LIMS1: variants seen among roughly 807,000 people sequenced by gnomAD.
LIMS1 encodes the protein LIM zinc finger domain containing 1.
A neutral mutation model predicts 44.1 loss-of-function variants in LIMS1; 18 were observed. The observed-to-expected ratio is 0.41, with a 90% CI of 0.28 to 0.61. LIMS1 has a LOEUF of 0.61. Ranked by LOEUF, LIMS1 falls within the 20% of genes least tolerant of loss-of-function variation. The pLI, the probability that LIMS1 is intolerant of heterozygous loss-of-function variation, is 0.32. For missense variants in LIMS1, 201 were observed against 422.0 expected, an observed-to-expected ratio of 0.48 and a Z score of 4.59; for synonymous variants, 93 against 149.1, an observed-to-expected ratio of 0.62 and a Z score of 2.74.
At chr2:108,657,286 C>T (rs1236049403) in intron 1 of LIMS1, among the ~76,000 whole-genome samples, 2 of 151,022 alleles carry the variant, frequency 1.3e-5, no homozygotes, top group African/African-American at 2.4e-5. Flanking sequence ...TGATCCAGGA[C>T]ATTCTAGAAT....
intron 1 of LIMS1, among the ~76,000 whole-genome samples, chr2:108,541,936 T>C (rs1684330548): frequency 6.6e-6 from 1 of 152,256 alleles, no homozygotes; most frequent in African/African-American, 2.4e-5. Context: ...TTTTGTTTTA[T>C]AGTTTTTTGT....
At chr2:108,538,373 A>G (rs1684210046) in intron 1 of LIMS1, among the ~76,000 whole-genome samples, 1 of 152,112 alleles carries the variant, frequency 6.6e-6, no homozygotes, top group Non-Finnish European at 1.5e-5. Context: ...CACGTTTTGG[A>G]GCTTGATGAG....
intron 1 of LIMS1, chr2:108,621,439 G>A (rs1301519481): frequency 6.4e-7 from 1 of 1,551,006 alleles, no homozygotes; most frequent in East Asian, 2.4e-5. Flanking sequence ...GAGAGTAAAT[G>A]GGTTACCAGA....
chr2:108,616,033 T>G (rs538406688), intron 1 of LIMS1, among the ~76,000 whole-genome samples: 1 of 152,204 alleles, frequency 6.6e-6, no homozygotes, highest in African/African-American at 2.4e-5. Context: ...TACTTAGAAT[T>G]TCATTCTAAA....
intron 1 of LIMS1, among the ~76,000 whole-genome samples, chr2:108,644,049 C>T (rs1329896426): frequency 3.9e-5 from 6 of 152,134 alleles, no homozygotes; most frequent in East Asian, 1.9e-4. Context: ...CGTCACCTCC[C>T]GGGACAGAGC....
intron 1 of LIMS1, among the ~76,000 whole-genome samples, chr2:108,572,380 C>CTTTTTTT (rs780841996): frequency 4.4e-5 from 5 of 112,734 alleles, no homozygotes; most frequent in Non-Finnish European, 7.0e-5. Context: ...GGGACTCTTG[C>CTTTTTTT]TTTTTTTTTT....
At chr2:108,541,370 A>G (rs1024645294) in intron 1 of LIMS1, among the ~76,000 whole-genome samples, 1 of 152,236 alleles carries the variant, frequency 6.6e-6, no homozygotes, top group Non-Finnish European at 1.5e-5. Context: ...GAGAATGGAC[A>G]TTGGGTAGGC....
At chr2:108,545,062 A>G (rs921472622) in intron 1 of LIMS1, among the ~76,000 whole-genome samples, 2 of 152,214 alleles carry the variant, frequency 1.3e-5, no homozygotes, top group African/African-American at 2.4e-5. Context: ...TGAGATCTGA[A>G]TAAGGTTCAC....
intron 9 of LIMS1, among the ~76,000 whole-genome samples, chr2:108,681,853 T>C (rs185646748): frequency 6.6e-6 from 1 of 150,556 alleles, no homozygotes; most frequent in African/African-American, 2.5e-5. Context: ...TGACTGCCAC[T>C]GCACTCCAGC....
chr2:108,618,547 C>T (rs940663803), intron 1 of LIMS1, among the ~76,000 whole-genome samples: 3 of 152,008 alleles, frequency 2.0e-5, no homozygotes, highest in Non-Finnish European at 2.9e-5. Flanking sequence ...CCTGGTTAGG[C>T]GGGGCACGGT....
At chr2:108,543,308 G>A (rs1230482439) in intron 1 of LIMS1, among the ~76,000 whole-genome samples, 1 of 152,136 alleles carries the variant, frequency 6.6e-6, no homozygotes. Context: ...GCACGTGCCC[G>A]TAGTCCTGTG....
exon 10 of LIMS1, chr2:108,686,386 C>G (rs1693305960): frequency 6.6e-6 from 1 of 151,938 alleles, no homozygotes; most frequent in Non-Finnish European, 1.5e-5. Context: ...GCCTGTAATA[C>G]TTAAGGGTAG....
intron 1 of LIMS1, among the ~76,000 whole-genome samples, chr2:108,567,762 G>A (rs919851183): frequency 1.3e-5 from 2 of 152,062 alleles, no homozygotes; most frequent in Non-Finnish European, 2.9e-5. Flanking sequence ...AGTAGAGGCG[G>A]GGTTTCTCCA....
chr2:108,540,626 A>G (rs1006566788), intron 1 of LIMS1, among the ~76,000 whole-genome samples: 1 of 152,250 alleles, frequency 6.6e-6, no homozygotes, highest in African/African-American at 2.4e-5. Context: ...TTTATTTAAC[A>G]TTTAAAAAGT....
intron 1 of LIMS1, among the ~76,000 whole-genome samples, chr2:108,556,769 A>G (rs772010233): frequency 5.3e-5 from 8 of 152,172 alleles, no homozygotes; most frequent in Non-Finnish European, 1.2e-4. Context: ...GCCCAGAAGG[A>G]ATGCTGAGGG....
At chr2:108,653,327 G>T (rs1690628665) in intron 1 of LIMS1, among the ~76,000 whole-genome samples, 1 of 149,348 alleles carries the variant, frequency 6.7e-6, no homozygotes, top group African/African-American at 2.5e-5. Context: ...TTCTTCATTT[G>T]TAACTAACAC....
At chr2:108,562,644 C>G (rs558491066) in intron 1 of LIMS1, among the ~76,000 whole-genome samples, 1 of 152,264 alleles carries the variant, frequency 6.6e-6, no homozygotes, top group Non-Finnish European at 1.5e-5. Context: ...AGTAGAAGTT[C>G]ATTCATGAAG....
chr2:108,630,504 G>A (rs187695579), intron 1 of LIMS1, among the ~76,000 whole-genome samples: 14 of 147,088 alleles, frequency 9.5e-5, no homozygotes, highest in African/African-American at 3.0e-4. Context: ...ATACTCACTC[G>A]TTTAATATAT....
At chr2:108,670,085 A>G in intron 2 of LIMS1, among the ~76,000 whole-genome samples, 1 of 152,182 alleles carries the variant, frequency 6.6e-6, no homozygotes. Flanking sequence ...GTACAAAAAT[A>G]TACTAGGATA....
Sources: allele counts gnomAD v4.1 joint callset (sites outside exome capture counted in the v4.1 genomes callset), GRCh38; gene constraint gnomAD v4.1.1; transcripts MANE v1.5; gene names NCBI Gene and HGNC (gene_info 2026-07-23, HGNC 2026-07-21).